Variants in SMCO4 observed in about 807,000 individuals in gnomAD.
SMCO4 encodes the protein single-pass membrane protein with coiled-coil domains 4.
In SMCO4, 4 loss-of-function variants were observed where a neutral mutation model predicts 3.6. The observed-to-expected ratio is 1.11, with a 90% CI of 0.54 to 2.53. The LOEUF (loss-of-function observed/expected upper bound fraction) is 2.53. Among genes scored for constraint, SMCO4 ranks in the 30% most tolerant of loss-of-function variants. The pLI is 0.02. For synonymous variants in SMCO4, 36 were observed against 35.3 expected, an observed-to-expected ratio of 1.02 and a Z score of -0.07; for missense variants, 70 against 80.8, an observed-to-expected ratio of 0.87 and a Z score of 0.51.
chr11:93,525,593 T>C (rs1400745549), intron 1 of SMCO4, among the ~76,000 whole-genome samples: 1 of 152,182 alleles, frequency 6.6e-6, no homozygotes. Context: ...AATAGAGAAC[T>C]GCAGTGTCTC....
At chr11:93,502,734 C>A (rs1444710087) in intron 1 of SMCO4, among the ~76,000 whole-genome samples, 1 of 151,968 alleles carries the variant, frequency 6.6e-6, no homozygotes, top group Non-Finnish European at 1.5e-5. Context: ...AACATCATAC[C>A]TGAGATAAAA....
intron 1 of SMCO4, chr11:93,535,769 A>G (rs1483548887): frequency 1.5e-5 from 24 of 1,605,632 alleles, no homozygotes; most frequent in Non-Finnish European, 2.0e-5. Context: ...GACAAAAAGA[A>G]CAAAACTAAG....
intron 1 of SMCO4, among the ~76,000 whole-genome samples, chr11:93,527,918 G>A (rs1949125146): frequency 6.6e-6 from 1 of 152,154 alleles, no homozygotes; most frequent in Admixed American, 6.5e-5. Context: ...TGGGCCTATA[G>A]GTACAAGTCA....
the SMCO4 span, among the ~76,000 whole-genome samples, chr11:93,552,441 CGTT>C: frequency 1.1e-4 from 9 of 80,882 alleles, no homozygotes; most frequent in African/African-American, 3.6e-4. Context: ...TGCCCAGCCA[CGTT>C]ATTATTATTA....
chr11:93,479,124 G>A lies in SMCO4; in HGVS notation c.66C>T (p.Ala22=). 1 of 1,614,090 alleles carries A rather than the reference G, an allele frequency of 6.2e-7. No homozygotes were observed. Among genetic ancestry groups the A allele is most frequent in the Non-Finnish European group, 8.5e-7 (1 of 1,180,042 alleles). Residue 22 remains alanine (A), a synonymous_variant, in exon 3 of 3, where the codon GCC becomes GCT. Coordinates refer to ENST00000298966, the MANE Select transcript of SMCO4 (RefSeq NM_020179.3). ...TGATCTGCTGCCGGGCCTCCTGCATGGCTTGCTTCCGCTCCTTCTTGTCCT... is the reference window on the plus strand; with the variant it reads ...TGATCTGCTGCCGGGCCTCCTGCATAGCTTGCTTCCGCTCCTTCTTGTCCT... ...TSKDKKERKQ[A]MQEARQQITT...
intron 1 of SMCO4, among the ~76,000 whole-genome samples, chr11:93,499,791 C>G (rs1948817050): frequency 6.6e-6 from 1 of 152,168 alleles, no homozygotes; most frequent in Admixed American, 6.5e-5. Flanking sequence ...GGAACAGAGG[C>G]TTTTAAACCA....
intron 1 of SMCO4, among the ~76,000 whole-genome samples, chr11:93,536,313 A>G (rs1452375540): frequency 6.6e-6 from 1 of 152,230 alleles, no homozygotes; most frequent in African/African-American, 2.4e-5. Context: ...TGACATGCCA[A>G]TTCTACTCCT....
intron 1 of SMCO4, among the ~76,000 whole-genome samples, chr11:93,538,110 C>T (rs1351875989): frequency 6.6e-6 from 1 of 152,226 alleles, no homozygotes; most frequent in African/African-American, 2.4e-5. Flanking sequence ...CCTGACATGG[C>T]AACAGTGCGT....
At chr11:93,507,735 G>A (rs1251618873) in intron 1 of SMCO4, among the ~76,000 whole-genome samples, 4 of 152,140 alleles carry the variant, frequency 2.6e-5, no homozygotes, top group Admixed American at 2.0e-4. Context: ...TAGTTTCAAA[G>A]ACTATCCACA....
chr11:93,542,744 C>A (rs1223421607), intron 1 of SMCO4, among the ~76,000 whole-genome samples: 4 of 152,086 alleles, frequency 2.6e-5, no homozygotes, highest in African/African-American at 9.7e-5. Flanking sequence ...CACCTCTACT[C>A]CCCGACCCCC....
At chr11:93,532,411 C>T (rs1949171972) in intron 1 of SMCO4, among the ~76,000 whole-genome samples, 2 of 152,238 alleles carry the variant, frequency 1.3e-5, no homozygotes, top group African/African-American at 4.8e-5. Context: ...CCCAGGTTCT[C>T]AGGTCTTCAA....
At chr11:93,491,110 A>T (rs1948709561) in intron 2 of SMCO4, among the ~76,000 whole-genome samples, 1 of 152,262 alleles carries the variant, frequency 6.6e-6, no homozygotes, top group East Asian at 1.9e-4. Flanking sequence ...TTGCTATTCA[A>T]ATAGGTACTT....
chr11:93,508,465 A>C (rs1210737382), intron 1 of SMCO4, among the ~76,000 whole-genome samples: 1 of 152,224 alleles, frequency 6.6e-6, no homozygotes, highest in Non-Finnish European at 1.5e-5. Context: ...ATGAAATACA[A>C]ATTTCTATAA....
upstream of SMCO4, among the ~76,000 whole-genome samples, chr11:93,544,413 C>T (rs375121516): frequency 1.3e-5 from 2 of 152,226 alleles, no homozygotes; most frequent in African/African-American, 4.8e-5. Flanking sequence ...ACCTCTTCCC[C>T]TCCACCGGTA....
At chr11:93,543,863 C>T (rs891155177), upstream of SMCO4, among the ~76,000 whole-genome samples, 2 of 152,188 alleles carry the variant, frequency 1.3e-5, no homozygotes, top group Non-Finnish European at 2.9e-5. Context: ...AGACTTTTAC[C>T]GCTGTCTACC....
intron 1 of SMCO4, among the ~76,000 whole-genome samples, chr11:93,542,516 A>C (rs1213317306): frequency 6.6e-6 from 1 of 152,178 alleles, no homozygotes; most frequent in South Asian, 2.1e-4. Context: ...GGGCAAAAGC[A>C]CTGCAGTCTG....
intron 2 of SMCO4, among the ~76,000 whole-genome samples, chr11:93,482,426 T>C (rs1948602516): frequency 6.6e-6 from 1 of 152,124 alleles, no homozygotes; most frequent in Non-Finnish European, 1.5e-5. Flanking sequence ...GATAAATGAG[T>C]CAGGAGCTGG....
chr11:93,524,405 T>C (rs891858377), intron 1 of SMCO4, among the ~76,000 whole-genome samples: 1 of 152,080 alleles, frequency 6.6e-6, no homozygotes, highest in African/African-American at 2.4e-5. Context: ...TAAACAGGCA[T>C]CTTCTCGGTT....
In SMCO4 at chr11:93,524,272, C is replaced by T. The variant is rs3750951; in HGVS notation, c.-154+19004G>A. Among the ~76,000 whole-genome samples, 522 of 152,174 alleles carry T rather than the reference C, an allele frequency of 3.4e-3. 15 individuals carry two copies. The East Asian group carries it at 0.072, about 21-fold the overall frequency. ...AGCTCAGGCTCACAAAGCCAGGAAA[C>T]GGCCGGGAGGGAACCTAGGATGGGA... On this transcript the variant is annotated intron_variant, in intron 1 of 2. Transcript: ENST00000298966.
Sources: gnomAD v4.1 joint callset for allele counts (sites outside exome capture counted in the v4.1 genomes callset) on GRCh38, gnomAD v4.1.1 for gene constraint, MANE v1.5 for transcripts, NCBI Gene and HGNC (gene_info 2026-07-23, HGNC 2026-07-21) for gene names.